HACD2: variants seen among roughly 807,000 people sequenced by gnomAD.
HACD2 encodes 3-hydroxyacyl-CoA dehydratase 2.
A neutral mutation model predicts 31.0 loss-of-function variants in HACD2; 15 were observed. The observed-to-expected ratio is 0.48, with a 90% CI of 0.32 to 0.75. The LOEUF (loss-of-function observed/expected upper bound fraction) is 0.75. Ranked by LOEUF, HACD2 falls within the 30% of genes least tolerant of loss-of-function variation. The pLI is 0.03. For missense variants in HACD2, 283 were observed against 313.0 expected, an observed-to-expected ratio of 0.90 and a Z score of 0.72; for synonymous variants, 115 against 122.2, an observed-to-expected ratio of 0.94 and a Z score of 0.39.
chr3:123,542,146 CAAAA>C (rs11391480), intron 3 of HACD2, among the ~76,000 whole-genome samples: 18 of 41,106 alleles, frequency 4.4e-4, no homozygotes, highest in Middle Eastern at 0.026. Context: ...GACTCCGTCT[CAAAA>C]AAAAAAAAAA....
At position 123,565,152 on chromosome 3, in the gene HACD2, G is replaced by GA. The variant is rs1399874886; in HGVS notation, c.292+2609dup. ...GTTCGATAATTTTCTTGGTGTGAAT[G>GA]AAAAAATATACTTGTCAGAAACTTT... On this transcript the variant is annotated intron_variant, in intron 3 of 6. Transcript: ENST00000383657. Among the ~76,000 whole-genome samples the GA allele has an allele frequency of 5.3e-5, 8 of 152,164 alleles. No homozygotes were observed. The South Asian group carries it at 1.7e-3, about 32-fold the overall frequency.
intron 5 of HACD2, among the ~76,000 whole-genome samples, chr3:123,501,231 T>A (rs1396196064): frequency 1.3e-5 from 2 of 152,234 alleles, no homozygotes; most frequent in East Asian, 3.8e-4. Flanking sequence ...ATTAAAAAAA[T>A]TTAAAATTCA....
At chr3:123,579,271 T>C (rs2056940213) in intron 2 of HACD2, among the ~76,000 whole-genome samples, 1 of 152,096 alleles carries the variant, frequency 6.6e-6, no homozygotes. Context: ...TACTTAAATT[T>C]TAAAAATTAT....
intron 4 of HACD2, among the ~76,000 whole-genome samples, chr3:123,516,459 C>T (rs1040432030): frequency 6.6e-6 from 1 of 152,044 alleles, no homozygotes; most frequent in African/African-American, 2.4e-5. Context: ...TGGTCTCGAT[C>T]TTCTGACCTC....
intron 2 of HACD2, among the ~76,000 whole-genome samples, chr3:123,573,224 A>T (rs2056873674): frequency 6.6e-6 from 1 of 152,234 alleles, no homozygotes; most frequent in African/African-American, 2.4e-5. Context: ...GTCTTCAAGG[A>T]TAGACACCAA....
rs960239043 is a variant in HACD2 at position 123,497,251 on chromosome 3, C to A, written c.683-2281G>T. Among the ~76,000 whole-genome samples, 8 of 152,310 alleles carry A rather than the reference C, an allele frequency of 5.3e-5. No homozygotes were observed. In the East Asian group the frequency reaches 1.2e-3, roughly 22 times the overall value. ...ACACTGAGGAATAGCACTGAAAAAACCCCTCAACCCGACAACAGGCTATTG... is the reference window on the plus strand; with the variant it reads ...ACACTGAGGAATAGCACTGAAAAAAACCCTCAACCCGACAACAGGCTATTG... On this transcript the variant is annotated intron_variant, in intron 6 of 6. Coordinates refer to ENST00000383657, the MANE Select transcript of HACD2 (RefSeq NM_198402.5).
chr3:123,570,715 A>G (rs2056845169), intron 2 of HACD2, among the ~76,000 whole-genome samples: 2 of 152,162 alleles, frequency 1.3e-5, no homozygotes, highest in Non-Finnish European at 2.9e-5. Flanking sequence ...GAGACATACA[A>G]TCAGTGTACG....
In HACD2 at chr3:123,585,034, T is replaced by C. The variant is rs2107768822; in HGVS notation, c.-7A>G. Reference sequence around the variant, plus strand: ...TCGCCGCCACTGCCGCCATGTCAAGTGCCCGAAGCCCGCTCTCCTAGCGCG... The same window carrying C: ...TCGCCGCCACTGCCGCCATGTCAAGCGCCCGAAGCCCGCTCTCCTAGCGCG... On this transcript the variant is annotated 5_prime_UTR_variant, in exon 1 of 7. Coordinates refer to ENST00000383657, the MANE Select transcript of HACD2 (RefSeq NM_198402.5). 1.4e-6 allele frequency: 2 copies of C among 1,478,144 alleles called. No individual in the cohort carries two copies. Among genetic ancestry groups the C allele is most frequent in the Non-Finnish European group, 1.8e-6 (2 of 1,115,580 alleles). 91.6% of individuals were successfully genotyped at this position (1,478,144 alleles called of 1,614,324 possible). A position where few individuals can be genotyped will look rare whatever the true frequency, so the allele number is the denominator to read the frequency against.
chr3:123,520,758 G>T (rs1274749926), intron 4 of HACD2, among the ~76,000 whole-genome samples: 1 of 151,892 alleles, frequency 6.6e-6, no homozygotes, highest in Non-Finnish European at 1.5e-5. Context: ...TTCACTTACT[G>T]GTGACTCCCC....
chr3:123,517,472 A>G (rs1218856466), intron 4 of HACD2, among the ~76,000 whole-genome samples: 1 of 152,178 alleles, frequency 6.6e-6, no homozygotes, highest in Admixed American at 6.5e-5. Flanking sequence ...AACCTTCATC[A>G]TATATATCTA....
At chr3:123,557,164 T>C (rs1297422537) in intron 3 of HACD2, among the ~76,000 whole-genome samples, 1 of 152,250 alleles carries the variant, frequency 6.6e-6, no homozygotes, top group Non-Finnish European at 1.5e-5. Flanking sequence ...CTCCACCTCC[T>C]GTCAGATCAG....
chr3:123,502,856 T>C, intron 4 of HACD2, 175 bp from the exon 5 acceptor site: 1 of 603,830 alleles, frequency 1.7e-6, no homozygotes, highest in Non-Finnish European at 2.8e-6. Flanking sequence ...ATGACAGCTG[T>C]GTACATCCCA....
In HACD2 at chr3:123,550,731, T is replaced by G. The variant is rs900961029; in HGVS notation, c.292+17031A>C. Among the ~76,000 whole-genome samples, 21 of 152,100 alleles carry G rather than the reference T, an allele frequency of 1.4e-4. 1 individual carries two copies. Among genetic ancestry groups the G allele is most frequent in the Non-Finnish European group, 2.9e-5 (2 of 68,000 alleles). ...CTGTGGTGTCTGCAGAGGAACCATGTGGAGATGTCCAGGTGGGCAGCTGGG... is the reference window on the plus strand; with the variant it reads ...CTGTGGTGTCTGCAGAGGAACCATGGGGAGATGTCCAGGTGGGCAGCTGGG... On this transcript the variant is annotated intron_variant, in intron 3 of 6. Coordinates refer to ENST00000383657, the MANE Select transcript of HACD2 (RefSeq NM_198402.5).
intron 4 of HACD2, among the ~76,000 whole-genome samples, chr3:123,527,992 C>G (rs997113029): frequency 6.6e-6 from 1 of 152,130 alleles, no homozygotes; most frequent in Non-Finnish European, 1.5e-5. Context: ...GGTGTGGTGG[C>G]TCATGCCTGA....
intron 3 of HACD2, among the ~76,000 whole-genome samples, chr3:123,532,171 T>C (rs1215183614): frequency 1.3e-5 from 2 of 152,242 alleles, no homozygotes; most frequent in African/African-American, 2.4e-5. Flanking sequence ...CAATACTTTC[T>C]AATTGAAGTA....
chr3:123,579,001 A>C (rs2056936657), intron 2 of HACD2, among the ~76,000 whole-genome samples: 1 of 152,190 alleles, frequency 6.6e-6, no homozygotes, highest in South Asian at 2.1e-4. Context: ...TGACCTTTGC[A>C]ACGTTAATTG....
chr3:123,544,736 T>C (rs907789002), intron 3 of HACD2, among the ~76,000 whole-genome samples: 1 of 152,186 alleles, frequency 6.6e-6, no homozygotes, highest in Non-Finnish European at 1.5e-5. Flanking sequence ...TCAGCTAATA[T>C]ACTTATTCAT....
chr3:123,507,142 C>T (rs2107685687), intron 4 of HACD2, among the ~76,000 whole-genome samples: 1 of 152,166 alleles, frequency 6.6e-6, no homozygotes, highest in East Asian at 1.9e-4. Context: ...TGTGGTCCCA[C>T]CTACTTGGGA....
chr3:123,567,045 C>A (rs2056799913), intron 3 of HACD2, among the ~76,000 whole-genome samples: 1 of 152,176 alleles, frequency 6.6e-6, no homozygotes. Flanking sequence ...TTTTGACTTT[C>A]AGTGCTTCTA....
Sources: gnomAD v4.1 joint callset for allele counts (sites outside exome capture counted in the v4.1 genomes callset) on GRCh38, gnomAD v4.1.1 for gene constraint, MANE v1.5 for transcripts, NCBI Gene and HGNC (gene_info 2026-07-23, HGNC 2026-07-21) for gene names.